The following BIRC6 variants were observed in gnomAD, a reference collection of about 807,000 sequenced individuals.
BIRC6 encodes the protein dual E2 ubiquitin-conjugating enzyme/E3 ubiquitin-protein ligase BIRC6.
BIRC6 carries 98 observed loss-of-function variants against 503.3 expected under a neutral mutation model. The observed-to-expected ratio is 0.19, with a 90% CI of 0.17 to 0.23. The LOEUF (loss-of-function observed/expected upper bound fraction) is 0.23, where lower values mean the gene tolerates loss of function less well. Among genes scored for constraint, BIRC6 ranks in the 10% least tolerant of loss-of-function variants. BIRC6 has a pLI of 1.00. For missense variants in BIRC6, 5,360 were observed against 5,806.0 expected (o/e 0.92, Z 2.50); for synonymous variants, 2,240 against 2,078.7 (o/e 1.08, Z -2.11).
chr2:32,488,579 C>CT lies in BIRC6; in HGVS notation c.7969-4dup. On this transcript the variant is annotated splice_polypyrimidine_tract_variant and intron_variant, in intron 41 of 73. Coordinates refer to ENST00000421745, the MANE Select transcript of BIRC6 (RefSeq NM_016252.4). ...CATTTTTCTCCTGTTGATTTTCATT[C>CT]TTTTTCAGTTGGAGTCACTTCTCCA... The CT allele has an allele frequency of 6.6e-7, 1 of 1,510,270 alleles. No homozygotes were observed. Among genetic ancestry groups the CT allele is most frequent in the South Asian group, 1.3e-5 (1 of 77,378 alleles). 93.6% of individuals were successfully genotyped at this position (1,510,270 alleles called of 1,614,324 possible). A position where few individuals can be genotyped will look rare whatever the true frequency, so the allele number is the denominator to read the frequency against.
intron 8 of BIRC6, among the ~76,000 whole-genome samples, chr2:32,401,933 T>C (rs1318390570): frequency 1.3e-5 from 2 of 152,028 alleles, no homozygotes; most frequent in African/African-American, 4.8e-5. Flanking sequence ...TGAAATTCTA[T>C]TGTAGTTTCA....
chr2:32,424,775 C>A (rs917695486), intron 10 of BIRC6, among the ~76,000 whole-genome samples: 3 of 152,024 alleles, frequency 2.0e-5, no homozygotes, highest in Admixed American at 6.6e-5. Context: ...GCCCACCCAA[C>A]GTGCTGGGAT....
intron 42 of BIRC6, among the ~76,000 whole-genome samples, chr2:32,489,573 A>C (rs1025754163): frequency 6.6e-6 from 1 of 152,158 alleles, no homozygotes; most frequent in African/African-American, 2.4e-5. Flanking sequence ...GCACTTTGAG[A>C]GGCCGAGGTG....
intron 50 of BIRC6, chr2:32,505,434 G>T: frequency 2.2e-6 from 1 of 461,212 alleles, no homozygotes; most frequent in South Asian, 2.8e-5. Context: ...ATATGTTCCA[G>T]TTATATATTA....
At chr2:32,398,247 A>G (rs2149688513) in intron 6 of BIRC6, among the ~76,000 whole-genome samples, 1 of 152,346 alleles carries the variant, frequency 6.6e-6, no homozygotes, top group Non-Finnish European at 1.5e-5. Context: ...GCACAGAGGC[A>G]TAAAGTGGAT....
At chr2:32,531,735 T>A (rs557528705) in intron 61 of BIRC6, among the ~76,000 whole-genome samples, 184 bp downstream of exon 61, 2 of 152,344 alleles carry the variant, frequency 1.3e-5, no homozygotes, top group East Asian at 3.9e-4. Flanking sequence ...TCAGTAGGTA[T>A]GGAAGAAATG....
At chr2:32,550,442 T>A (rs2058349561) in intron 65 of BIRC6, among the ~76,000 whole-genome samples, 1 of 152,184 alleles carries the variant, frequency 6.6e-6, no homozygotes, top group South Asian at 2.1e-4. Flanking sequence ...AGTATTAGAT[T>A]GATTTTTTTG....
rs1230556795 is a variant in BIRC6, at chr2:32,405,426, G to A, written c.1419-1073G>A. Among the ~76,000 whole-genome samples, 4 of 152,120 alleles carry A rather than the reference G, an allele frequency of 2.6e-5. No individual in the cohort carries two copies. In the East Asian group the frequency reaches 7.7e-4, roughly 29 times the overall value. ...ATATATAAGTGAATTTCCCCCAGCC[G>A]CCGCAAAATATTTCAAACATTGCCT... On this transcript the variant is annotated intron_variant, in intron 8 of 73. Transcript: ENST00000421745.
chr2:32,423,526 T>C (rs2150157900), intron 10 of BIRC6, among the ~76,000 whole-genome samples: 1 of 152,334 alleles, frequency 6.6e-6, no homozygotes, highest in South Asian at 2.1e-4. Flanking sequence ...TTATTGTAGA[T>C]ACCTCATATA....
chr2:32,577,632 T>G (rs762495109), intron 66 of BIRC6, among the ~76,000 whole-genome samples: 3 of 152,214 alleles, frequency 2.0e-5, no homozygotes, highest in Non-Finnish European at 4.4e-5. Flanking sequence ...TGCAGGAAAT[T>G]TGGACACCTA....
intron 63 of BIRC6, among the ~76,000 whole-genome samples, chr2:32,546,716 T>A (rs544422273): frequency 6.6e-6 from 1 of 152,324 alleles, no homozygotes; most frequent in African/African-American, 2.4e-5. Context: ...TATAAAGATA[T>A]ATTTTAGAAT....
chr2:32,488,128 G>T (rs531712747), intron 41 of BIRC6, among the ~76,000 whole-genome samples: 1 of 151,960 alleles, frequency 6.6e-6, no homozygotes, highest in Non-Finnish European at 1.5e-5. Context: ...ATTGCTTAAG[G>T]CCAGGAGTTC....
chr2:32,516,506 A>T lies in BIRC6; in HGVS notation c.11349+736A>T, dbSNP rs765757853. 2.4e-4 allele frequency among the ~76,000 whole-genome samples: 34 copies of T among 142,828 alleles called. 1 individual carries two copies. Among genetic ancestry groups the T allele is most frequent in the Non-Finnish European group, 4.2e-4 (28 of 66,394 alleles). The allele number at this position is 142,828 out of a possible 152,430, so 93.7% of individuals were successfully genotyped here. A position where few individuals can be genotyped will look rare whatever the true frequency, so the allele number is the denominator to read the frequency against. On this transcript the variant is annotated intron_variant, in intron 55 of 73. Transcript: ENST00000421745. Reference sequence around the variant, plus strand: ...ACTCCAGCCTGGGCGACAAAGCGAGACTCTGTCTCAAAAAAAAAAAAAAAA... The same window carrying T: ...ACTCCAGCCTGGGCGACAAAGCGAGTCTCTGTCTCAAAAAAAAAAAAAAAA...
chr2:32,487,884 A>T, intron 41 of BIRC6, 83 bp downstream of exon 41: 1 of 1,179,784 alleles, frequency 8.5e-7, no homozygotes. Flanking sequence ...AGTTCATTCT[A>T]ATCCTGTCAG....
At chr2:32,429,002 C>G (rs1179764880) in intron 10 of BIRC6, 144 bp from the exon 11 acceptor site, 1 of 700,930 alleles carries the variant, frequency 1.4e-6, no homozygotes, top group Non-Finnish European at 2.1e-6. Context: ...AATTAAATTT[C>G]TAAACTCTTG....
intron 11 of BIRC6, among the ~76,000 whole-genome samples, chr2:32,430,627 G>C (rs774543700): frequency 2.1e-4 from 32 of 151,986 alleles, no homozygotes; most frequent in Admixed American, 5.2e-4. Flanking sequence ...TCAATAGCGA[G>C]TATTGTCTCT....
chr2:32,465,331 A>G (rs969990844), intron 26 of BIRC6, among the ~76,000 whole-genome samples, 167 bp downstream of exon 26: 4 of 150,412 alleles, frequency 2.7e-5, no homozygotes, highest in Non-Finnish European at 5.9e-5. Context: ...TACATGTTCA[A>G]GCTTTGTGCT....
intron 26 of BIRC6, among the ~76,000 whole-genome samples, chr2:32,466,329 G>A (rs2048537547): frequency 6.6e-6 from 1 of 152,158 alleles, no homozygotes; most frequent in African/African-American, 2.4e-5. Flanking sequence ...CTTGTAATGT[G>A]GGTGAAATGA....
chr2:32,558,090 G>A (rs1182637016), intron 65 of BIRC6, among the ~76,000 whole-genome samples: 3 of 152,116 alleles, frequency 2.0e-5, no homozygotes, highest in Non-Finnish European at 4.4e-5. Flanking sequence ...GTTTTTCAGT[G>A]TGCAGTCCTA....
Sources: allele counts gnomAD v4.1 joint callset (sites outside exome capture counted in the v4.1 genomes callset), GRCh38; gene constraint gnomAD v4.1.1; transcripts MANE v1.5; gene names NCBI Gene and HGNC (gene_info 2026-07-23, HGNC 2026-07-21).